The following PCDH15 variants were observed in gnomAD, a reference collection of about 807,000 sequenced individuals.
PCDH15 encodes protocadherin-15.
In PCDH15, 129 loss-of-function variants were observed where a neutral mutation model predicts 178.5. The ratio of observed to expected loss-of-function variants is 0.72; its 90% CI spans 0.63 to 0.84. The LOEUF is 0.84. PCDH15 is among the 40% of genes least tolerant of loss of function. The pLI is 0.00. For missense variants in PCDH15, 2,230 were observed against 2,099.9 expected (o/e 1.06, Z -1.21); for synonymous variants, 800 against 732.0 (o/e 1.09, Z -1.50).
rs1039880353 is a variant in PCDH15, at chr10:55,562,253, T to C, written c.-156+65372A>G. On this transcript the variant is annotated intron_variant, in intron 2 of 5. Transcript: ENST00000613346. The stretch of plus-strand genomic sequence containing the variant: ...ATTGGAATACCATTGTTGTCCCTTA[T>C]TTACTGATTTATACACTGTTCATCA... 3.3e-5 allele frequency among the ~76,000 whole-genome samples: 5 copies of C among 152,018 alleles called. No homozygotes were observed. The South Asian group carries it at 6.2e-4, about 19-fold the overall frequency.
intron 2 of PCDH15, among the ~76,000 whole-genome samples, chr10:55,073,349 C>A (rs554747192): frequency 3.5e-4 from 53 of 151,968 alleles, no homozygotes; most frequent in African/African-American, 1.2e-3. Flanking sequence ...TCTAGAAAAC[C>A]CCATTGTCTC....
rs1255753049 is a variant in PCDH15 at position 54,288,727 on chromosome 10, G to A, written c.876+28544C>T. On this transcript the variant is annotated intron_variant, in intron 8 of 37. Coordinates refer to ENST00000644397, the MANE Select transcript of PCDH15 (RefSeq NM_001384140.1). ...AGAGATTCTCTCCTGTGCCTGGCTC[G>A]TCAGGTCCCACACCCACAGAGCCTT... Among the ~76,000 whole-genome samples the A allele has an allele frequency of 4.6e-5, 7 of 152,200 alleles. No individual in the cohort carries two copies. The East Asian group carries it at 7.7e-4, about 17-fold the overall frequency.
intron 1 of PCDH15, among the ~76,000 whole-genome samples, chr10:55,280,573 G>C (rs928327367): frequency 6.6e-6 from 1 of 151,036 alleles, no homozygotes; most frequent in Admixed American, 6.6e-5. Context: ...ACAGGCGTGA[G>C]CCACCGTGCC....
chr10:55,452,350 C>G (rs1038756906), intron 2 of PCDH15, among the ~76,000 whole-genome samples: 2 of 152,042 alleles, frequency 1.3e-5, no homozygotes, highest in Non-Finnish European at 2.9e-5. Flanking sequence ...CTCAGGGAAA[C>G]TTCAGAGATA....
chr10:54,639,155 T>C (rs1409561586), intron 2 of PCDH15, among the ~76,000 whole-genome samples: 2 of 152,182 alleles, frequency 1.3e-5, no homozygotes, highest in Non-Finnish European at 2.9e-5. Context: ...TGTTTTCTTA[T>C]AGAATTGAAA....
At chr10:54,826,128 C>G (rs750962880) in intron 3 of PCDH15, among the ~76,000 whole-genome samples, 34 of 151,960 alleles carry the variant, frequency 2.2e-4, no homozygotes, top group Middle Eastern at 6.8e-3. Context: ...TGTTTAATAT[C>G]TTTATGCCTT....
intron 25 of PCDH15, among the ~76,000 whole-genome samples, chr10:53,924,168 G>A (rs980518756): frequency 2.6e-5 from 4 of 152,282 alleles, no homozygotes; most frequent in Admixed American, 1.3e-4. Context: ...CTCTGCTTGC[G>A]GGGAGGTGTG....
In PCDH15 at chr10:54,022,945, T is replaced by C. The variant is rs762461676; in HGVS notation, c.2473A>G (p.Thr825Ala). The C allele has an allele frequency of 6.2e-7, 1 of 1,613,898 alleles. No individual in the cohort carries two copies. Among genetic ancestry groups the C allele is most frequent in the Non-Finnish European group, 8.5e-7 (1 of 1,179,866 alleles). Residue 825 changes from threonine (T) to alanine (A), a missense_variant, in exon 19 of 38, where the codon ACT becomes GCT. Transcript: ENST00000644397. ...GGCAAATTCTCTTCAACAAGGACAGTGTATGTTGAATTGGTGAACACAGGA... is the reference window on the plus strand; with the variant it reads ...GGCAAATTCTCTTCAACAAGGACAGCGTATGTTGAATTGGTGAACACAGGA... ...NSPVFTNSTYTVLVEENLPAG... is the reference protein window; with the variant it reads ...NSPVFTNSTYAVLVEENLPAG...
chr10:54,742,891 T>C (rs1040145751), intron 1 of PCDH15, among the ~76,000 whole-genome samples: 1 of 152,102 alleles, frequency 6.6e-6, no homozygotes, highest in Non-Finnish European at 1.5e-5. Context: ...ACAGTCATAT[T>C]GCATACTGAG....
intron 3 of PCDH15, among the ~76,000 whole-genome samples, chr10:54,870,859 A>G (rs1028867488): frequency 1.2e-4 from 18 of 152,264 alleles, no homozygotes; most frequent in East Asian, 3.9e-4. Context: ...TCTCGCTGGT[A>G]TCTCCTATCC....
At chr10:55,208,697 G>A (rs1031302913) in intron 1 of PCDH15, among the ~76,000 whole-genome samples, 2 of 151,802 alleles carry the variant, frequency 1.3e-5, no homozygotes, top group African/African-American at 4.8e-5. Flanking sequence ...TCACATATTT[G>A]CTCCTATTCA....
intron 1 of PCDH15, among the ~76,000 whole-genome samples, chr10:54,767,885 C>T (rs1948691780): frequency 6.6e-6 from 1 of 151,916 alleles, no homozygotes; most frequent in Non-Finnish European, 1.5e-5. Context: ...TGTCCTGGTG[C>T]CACCTTGGTA....
At position 54,172,782 on chromosome 10, in the gene PCDH15, A is replaced by G. The variant is rs148241670; in HGVS notation, c.1590+10662T>C. Reference sequence around the variant, plus strand: ...AATTTACATGATTGTAAAAACAATCACATACAAATAAGCAGAAGCTTCATA... The same window carrying G: ...AATTTACATGATTGTAAAAACAATCGCATACAAATAAGCAGAAGCTTCATA... On this transcript the variant is annotated intron_variant, in intron 13 of 37. Transcript: ENST00000644397. Among the ~76,000 whole-genome samples the G allele has an allele frequency of 3.3e-5, 5 of 152,336 alleles. No homozygotes were observed. In the East Asian group the frequency reaches 9.6e-4, roughly 29 times the overall value.
intron 24 of PCDH15, 57 bp from the exon 25 acceptor site, chr10:53,939,012 T>A: frequency 6.4e-7 from 1 of 1,569,754 alleles, no homozygotes; most frequent in Non-Finnish European, 8.7e-7. Context: ...GGAAAGAAAT[T>A]CTCTTTAAAA....
rs552536809 is a variant in PCDH15 at position 54,017,421 on chromosome 10, A to G, written c.2751+2771T>C. 1.1e-4 allele frequency among the ~76,000 whole-genome samples: 17 copies of G among 152,326 alleles called. No homozygotes were observed. In the South Asian group the frequency reaches 3.5e-3, roughly 32 times the overall value. On this transcript the variant is annotated intron_variant, in intron 20 of 37. Transcript: ENST00000644397. ...ATCAACAGTGAATTAGATAAATACA[A>G]GGGGGTACATATACACCATGGAACA...
intron 3 of PCDH15, among the ~76,000 whole-genome samples, chr10:54,834,632 A>T (rs953174010): frequency 6.6e-6 from 1 of 152,170 alleles, no homozygotes; most frequent in Non-Finnish European, 1.5e-5. Context: ...AATTCTCTCT[A>T]TTAGAATATT....
At chr10:54,026,087 TG>T (rs1251134046) in intron 18 of PCDH15, among the ~76,000 whole-genome samples, 2 of 151,648 alleles carry the variant, frequency 1.3e-5, no homozygotes, top group African/African-American at 4.8e-5. Flanking sequence ...TTTTTTTTTT[TG>T]AAACAGGTCT....
At chr10:55,162,564 C>T (rs143777228) in intron 2 of PCDH15, among the ~76,000 whole-genome samples, 75 of 152,232 alleles carry the variant, frequency 4.9e-4, no homozygotes, top group Admixed American at 1.4e-3. Context: ...GGGCATGGGC[C>T]AAGCTAACTT....
At chr10:55,253,297 C>T (rs1344039331) in intron 1 of PCDH15, among the ~76,000 whole-genome samples, 1 of 151,214 alleles carries the variant, frequency 6.6e-6, no homozygotes, top group Non-Finnish European at 1.5e-5. Context: ...TAAAGTTTAA[C>T]CAAACCAAAT....
Sources: gnomAD v4.1 joint callset for allele counts (sites outside exome capture counted in the v4.1 genomes callset) on GRCh38, gnomAD v4.1.1 for gene constraint, MANE v1.5 for transcripts, NCBI Gene and HGNC (gene_info 2026-07-23, HGNC 2026-07-21) for gene names.